Variants in GRID1 observed in about 807,000 individuals in gnomAD.
The protein encoded by GRID1 is glutamate ionotropic receptor delta type subunit 1.
A neutral mutation model predicts 98.0 loss-of-function variants in GRID1; 28 were observed. That is an observed-to-expected ratio of 0.29 (90% CI 0.21 to 0.39). GRID1 has a LOEUF of 0.39. Among genes scored for constraint, GRID1 ranks in the 10% least tolerant of loss-of-function variants. The pLI, the probability that GRID1 is intolerant of heterozygous loss-of-function variation, is 1.00. For synonymous variants in GRID1, 553 were observed against 538.5 expected (o/e 1.03, Z -0.37); for missense variants, 1,111 against 1,340.5 (o/e 0.83, Z 2.67).
rs369387959 is a variant in GRID1 at position 86,207,541 on chromosome 10, CT to C, written c.236-894del. ...TAATAGAAAGATGCACCTCCCAACG[CT>C]GCAACCCACTGCACCAGTTTTGAAG... On this transcript the variant is annotated intron_variant, in intron 2 of 15. Coordinates refer to ENST00000327946, the MANE Select transcript of GRID1 (RefSeq NM_017551.3). Among the ~76,000 whole-genome samples, 41 of 152,082 alleles carry C rather than the reference CT, an allele frequency of 2.7e-4. 1 individual carries two copies. The East Asian group carries it at 6.4e-3, about 24-fold the overall frequency.
At chr10:85,694,188 G>A (rs530744089) in intron 12 of GRID1, among the ~76,000 whole-genome samples, 1 of 152,028 alleles carries the variant, frequency 6.6e-6, no homozygotes, top group Non-Finnish European at 1.5e-5. Flanking sequence ...CAACATCACC[G>A]ATTATCAGAG....
At chr10:85,659,192 T>C (rs1323788846) in intron 12 of GRID1, among the ~76,000 whole-genome samples, 1 of 152,230 alleles carries the variant, frequency 6.6e-6, no homozygotes, top group Admixed American at 6.5e-5. Flanking sequence ...TGTGCATGCA[T>C]AAATGTGCAC....
At chr10:85,630,223 G>A (rs1168065111) in intron 13 of GRID1, among the ~76,000 whole-genome samples, 4 of 152,132 alleles carry the variant, frequency 2.6e-5, no homozygotes, top group African/African-American at 9.7e-5. Flanking sequence ...CAAGAACAAG[G>A]GTTTGGAGAC....
chr10:86,076,263 G>T (rs1333529752), intron 4 of GRID1, among the ~76,000 whole-genome samples: 1 of 152,172 alleles, frequency 6.6e-6, no homozygotes, highest in South Asian at 2.1e-4. Context: ...TATGATTGAG[G>T]ATGAGACAAC....
chr10:86,104,403 AG>A (rs1844348948), intron 4 of GRID1, among the ~76,000 whole-genome samples: 1 of 152,114 alleles, frequency 6.6e-6, no homozygotes, highest in South Asian at 2.1e-4. Context: ...CCAACCCACG[AG>A]GGGCACAACT....
At chr10:85,967,740 C>G (rs191667493) in intron 4 of GRID1, among the ~76,000 whole-genome samples, 1 of 152,270 alleles carries the variant, frequency 6.6e-6, no homozygotes, top group East Asian at 1.9e-4. Context: ...CTAAATACAT[C>G]ATAAAACCAA....
intron 4 of GRID1, among the ~76,000 whole-genome samples, chr10:85,974,562 G>A (rs1191455758): frequency 1.3e-5 from 2 of 152,136 alleles, no homozygotes; most frequent in African/African-American, 4.8e-5. Context: ...ACCAGTCATT[G>A]GAGATATTTG....
At chr10:85,900,434 C>T (rs1356322862) in intron 5 of GRID1, among the ~76,000 whole-genome samples, 1 of 152,202 alleles carries the variant, frequency 6.6e-6, no homozygotes, top group Non-Finnish European at 1.5e-5. Context: ...AAGGTAGACA[C>T]CAACCTTTAG....
At chr10:86,045,037 G>C (rs182940279) in intron 4 of GRID1, among the ~76,000 whole-genome samples, 6 of 152,208 alleles carry the variant, frequency 3.9e-5, no homozygotes, top group Non-Finnish European at 4.4e-5. Flanking sequence ...ACAAATCCTT[G>C]CTCCGGCGCA....
intron 4 of GRID1, among the ~76,000 whole-genome samples, chr10:85,978,492 AG>A (rs774808005): frequency 6.6e-6 from 1 of 152,238 alleles, no homozygotes; most frequent in Non-Finnish European, 1.5e-5. Flanking sequence ...CCTTCCCAGC[AG>A]TAAGAGCAAA....
chr10:85,878,745 G>GT (rs1464062463), intron 5 of GRID1, among the ~76,000 whole-genome samples: 4 of 152,016 alleles, frequency 2.6e-5, no homozygotes, highest in Non-Finnish European at 5.9e-5. Context: ...ACATCATAAT[G>GT]ACAGGATCAA....
chr10:85,651,278 A>G (rs941329746), intron 12 of GRID1, among the ~76,000 whole-genome samples: 2 of 152,182 alleles, frequency 1.3e-5, no homozygotes, highest in Non-Finnish European at 2.9e-5. Context: ...CAGTAGTTCA[A>G]ATGGTTGGAA....
rs1380908373 is a variant in GRID1, at chr10:86,366,573, C to T, written c.-181G>A. 4.2e-6 allele frequency: 1 copy of T among 239,868 alleles called. No individual in the cohort carries two copies. The highest frequency in any genetic ancestry group is 7.8e-6 in the Non-Finnish European group (1 of 127,782). 14.9% of individuals were successfully genotyped at this position (239,868 alleles called of 1,614,324 possible). ...GCGCCCGCCCCAGCCCAGCCCAGCC[C>T]AGCCCAGCGCGGTCGGGCTCCCGCT... On this transcript the variant is annotated 5_prime_UTR_variant, in exon 1 of 16. Coordinates refer to ENST00000327946, the MANE Select transcript of GRID1 (RefSeq NM_017551.3). This position sits in a 1 kb window ranked among gnomAD's most constrained non-coding sequence, Gnocchi z 4.1.
rs1182454610 is a variant in GRID1, at chr10:85,634,108, T to C, written c.2193+13094A>G. 4.1e-5 allele frequency among the ~76,000 whole-genome samples: 6 copies of C among 146,764 alleles called. No individual in the cohort carries two copies. The South Asian group carries it at 1.3e-3, about 32-fold the overall frequency. On this transcript the variant is annotated intron_variant, in intron 13 of 15. Coordinates refer to ENST00000327946, the MANE Select transcript of GRID1 (RefSeq NM_017551.3). ...ATTGCTTGAACCCAGGAGGCGGAGGTGGCGGTGAGCCAAGATTGCACATTG... is the reference window on the plus strand; with the variant it reads ...ATTGCTTGAACCCAGGAGGCGGAGGCGGCGGTGAGCCAAGATTGCACATTG...
intron 4 of GRID1, among the ~76,000 whole-genome samples, chr10:86,057,614 T>A (rs576072250): frequency 1.3e-5 from 2 of 152,120 alleles, no homozygotes; most frequent in Non-Finnish European, 2.9e-5. Flanking sequence ...TCGACTAACA[T>A]CCCTCAGCAC....
intron 3 of GRID1, among the ~76,000 whole-genome samples, chr10:86,171,278 A>T (rs1374081784): frequency 6.6e-6 from 1 of 152,230 alleles, no homozygotes; most frequent in Non-Finnish European, 1.5e-5. Flanking sequence ...ACCTGGGGCA[A>T]TAGAAGCGTT....
chr10:86,219,469 A>C (rs563605907), intron 2 of GRID1, among the ~76,000 whole-genome samples: 1 of 152,110 alleles, frequency 6.6e-6, no homozygotes, highest in South Asian at 2.1e-4. Context: ...TTGTTTACCG[A>C]CCTTGGCTGC....
chr10:85,640,850 G>A (rs750906741), intron 13 of GRID1, among the ~76,000 whole-genome samples: 10 of 152,158 alleles, frequency 6.6e-5, no homozygotes, highest in Admixed American at 1.3e-4. Context: ...TAAGATTTGC[G>A]GGCCCATTTT....
intron 4 of GRID1, among the ~76,000 whole-genome samples, chr10:85,918,358 C>G (rs1841649532): frequency 6.6e-6 from 1 of 152,018 alleles, no homozygotes; most frequent in South Asian, 2.1e-4. Context: ...CTTAACCACT[C>G]TGGTCTCTGT....
Sources: allele counts gnomAD v4.1 joint callset (sites outside exome capture counted in the v4.1 genomes callset), GRCh38; gene constraint gnomAD v4.1.1; non-coding constraint Gnocchi (gnomAD v3.1); transcripts MANE v1.5; gene names NCBI Gene and HGNC (gene_info 2026-07-23, HGNC 2026-07-21).